Variants in XKR9 observed in about 807,000 individuals in gnomAD.
The protein encoded by XKR9 is XK-related protein 9.
Under a neutral mutation model 32.0 loss-of-function variants are expected in XKR9, and 32 were observed. The observed-to-expected ratio is 1.00, with a 90% CI of 0.76 to 1.34. The LOEUF is 1.34. XKR9 is among the 40% of genes most tolerant of loss of function. XKR9 has a pLI of 0.00. For missense variants in XKR9, 546 were observed against 429.7 expected (o/e 1.27, Z -2.39); for synonymous variants, 168 against 143.4 (o/e 1.17, Z -1.22).
At chr8:70,697,809 G>T (rs1250516085) in intron 3 of XKR9, among the ~76,000 whole-genome samples, 1 of 151,866 alleles carries the variant, frequency 6.6e-6, no homozygotes, top group Admixed American at 6.6e-5. Context: ...GAATCCATCT[G>T]GTCCTGGACT....
At chr8:70,863,902 G>A in the XKR9 span, among the ~76,000 whole-genome samples, 11 of 152,210 alleles carry the variant, frequency 7.2e-5, no homozygotes, top group African/African-American at 2.7e-4. Flanking sequence ...TACCAATGTA[G>A]TAATTCTTTT....
the XKR9 span, among the ~76,000 whole-genome samples, chr8:71,002,192 A>G: frequency 9.9e-5 from 15 of 152,000 alleles, no homozygotes; most frequent in Admixed American, 9.8e-4. Flanking sequence ...ATTTTAGTAA[A>G]TGTAGTTAAT....
At chr8:70,779,629 A>G (rs1411730426) in intron 2 of XKR9, among the ~76,000 whole-genome samples, 29 of 152,164 alleles carry the variant, frequency 1.9e-4, no homozygotes, top group Admixed American at 1.9e-3. Context: ...CCTCAATTTC[A>G]GAACCTGTTG....
At chr8:70,969,811 G>A in the XKR9 span, among the ~76,000 whole-genome samples, 98 of 152,186 alleles carry the variant, frequency 6.4e-4, 1 homozygote, top group Admixed American at 1.1e-3. Context: ...ACATGAATAA[G>A]TTCTTTAGTG....
the XKR9 span, among the ~76,000 whole-genome samples, chr8:71,042,998 G>A: frequency 1.3e-5 from 2 of 152,182 alleles, no homozygotes; most frequent in African/African-American, 2.4e-5. Context: ...AGCTGTGTCT[G>A]TCTCCCTGAC....
chr8:70,925,964 CATT>C, the XKR9 span, among the ~76,000 whole-genome samples: 1 of 152,168 alleles, frequency 6.6e-6, no homozygotes, highest in East Asian at 1.9e-4. Context: ...TATAAGTACA[CATT>C]ATATGATTGA....
the XKR9 span, among the ~76,000 whole-genome samples, chr8:70,845,954 A>T: frequency 1.3e-5 from 2 of 152,132 alleles, no homozygotes; most frequent in African/African-American, 4.8e-5. Context: ...AAGCTTACAG[A>T]TCCCCGAGTA....
At chr8:70,874,080 G>C in the XKR9 span, among the ~76,000 whole-genome samples, 1 of 152,068 alleles carries the variant, frequency 6.6e-6, no homozygotes, top group Non-Finnish European at 1.5e-5. Context: ...TTTAAATTAA[G>C]GTATGTACTC....
chr8:70,716,093 G>A (rs946582306), intron 4 of XKR9, among the ~76,000 whole-genome samples: 2 of 151,968 alleles, frequency 1.3e-5, no homozygotes, highest in Non-Finnish European at 2.9e-5. Context: ...CTTAGAGTGG[G>A]AGAATGGTGT....
At chr8:70,846,759 A>G in the XKR9 span, among the ~76,000 whole-genome samples, 1 of 152,222 alleles carries the variant, frequency 6.6e-6, no homozygotes, top group East Asian at 1.9e-4. Context: ...ACAGAATTTA[A>G]ATAAAAATAG....
the XKR9 span, among the ~76,000 whole-genome samples, chr8:70,962,599 G>A: frequency 0.4 from 61,331 of 151,982 alleles, 13,743 homozygotes; most frequent in Non-Finnish European, 0.52. Flanking sequence ...TTCTTTATCC[G>A]ATCCACCACT....
chr8:70,862,830 G>A, the XKR9 span, among the ~76,000 whole-genome samples: 1 of 152,224 alleles, frequency 6.6e-6, no homozygotes, highest in East Asian at 1.9e-4. Context: ...TGGGGAAACA[G>A]CGTGGTACTG....
chr8:70,910,117 G>C, the XKR9 span, among the ~76,000 whole-genome samples: 3 of 151,962 alleles, frequency 2.0e-5, no homozygotes, highest in South Asian at 6.2e-4. Context: ...AAGCAGGGCA[G>C]GTTCTCATTG....
chr8:70,919,188 T>C, the XKR9 span, among the ~76,000 whole-genome samples: 2 of 152,186 alleles, frequency 1.3e-5, no homozygotes, highest in Non-Finnish European at 2.9e-5. Flanking sequence ...TTGGGAAAGT[T>C]ACTTCACTTC....
At chr8:70,905,465 T>A in the XKR9 span, among the ~76,000 whole-genome samples, 1 of 152,226 alleles carries the variant, frequency 6.6e-6, no homozygotes, top group African/African-American at 2.4e-5. Flanking sequence ...GTTTTTCAGC[T>A]CCATCAGGTC....
chr8:71,042,036 G>A, the XKR9 span, among the ~76,000 whole-genome samples: 1 of 152,112 alleles, frequency 6.6e-6, no homozygotes, highest in East Asian at 1.9e-4. Flanking sequence ...CATTGGGAGG[G>A]AGGGACAGTG....
At chr8:71,036,977 G>A in the XKR9 span, among the ~76,000 whole-genome samples, 10,114 of 150,786 alleles carry the variant, frequency 0.067, 476 homozygotes, top group Non-Finnish European at 0.094. Flanking sequence ...GCCTCCCAAA[G>A]TGCTGGGATT....
intron 4 of XKR9, among the ~76,000 whole-genome samples, chr8:70,710,318 A>G (rs1805869075): frequency 6.6e-6 from 1 of 152,204 alleles, no homozygotes; most frequent in Non-Finnish European, 1.5e-5. Flanking sequence ...TTAAACATAA[A>G]ATGAAGAATT....
chr8:71,033,918 A>G, the XKR9 span, among the ~76,000 whole-genome samples: 1 of 152,196 alleles, frequency 6.6e-6, no homozygotes, highest in African/African-American at 2.4e-5. Context: ...AAAACGGACA[A>G]AGATAGGTAG....
Sources: gnomAD v4.1 joint callset for allele counts (sites outside exome capture counted in the v4.1 genomes callset) on GRCh38, gnomAD v4.1.1 for gene constraint, MANE v1.5 for transcripts, NCBI Gene and HGNC (gene_info 2026-07-23, HGNC 2026-07-21) for gene names.